Variants in DLG2 observed in about 807,000 individuals in gnomAD.
DLG2 encodes the protein discs large MAGUK scaffold protein 2.
Under a neutral mutation model 132.5 loss-of-function variants are expected in DLG2, and 45 were observed. That is an observed-to-expected ratio of 0.34 (90% CI 0.27 to 0.44). DLG2 has a LOEUF of 0.44. Among genes scored for constraint, DLG2 ranks in the 20% least tolerant of loss-of-function variants. DLG2 has a pLI of 1.00. For synonymous variants in DLG2, 424 were observed against 419.6 expected (o/e 1.01, Z -0.13); for missense variants, 1,045 against 1,196.9 (o/e 0.87, Z 1.87).
intron 21 of DLG2, among the ~76,000 whole-genome samples, chr11:83,496,346 C>T (rs1000682564): frequency 6.6e-6 from 1 of 151,948 alleles, no homozygotes; most frequent in Non-Finnish European, 1.5e-5. Context: ...GCCCTTGCAA[C>T]TCTCATTTAA....
At chr11:85,153,550 T>G (rs2077403034) in intron 5 of DLG2, among the ~76,000 whole-genome samples, 1 of 152,220 alleles carries the variant, frequency 6.6e-6, no homozygotes, top group African/African-American at 2.4e-5. Context: ...ATGCTTTGCA[T>G]ATTAGGTTTA....
chr11:84,240,932 G>A (rs766797995), intron 8 of DLG2, among the ~76,000 whole-genome samples: 7 of 152,206 alleles, frequency 4.6e-5, no homozygotes, highest in Non-Finnish European at 5.9e-5. Flanking sequence ...GTCCAAAGCC[G>A]ATACCAAGCA....
chr11:84,288,242 T>C lies in DLG2; in HGVS notation c.520-36951A>G, dbSNP rs554231781. Among the ~76,000 whole-genome samples the C allele has an allele frequency of 7.0e-4, 106 of 152,108 alleles. 1 individual carries two copies. The highest frequency in any genetic ancestry group is 1.3e-3 in the Non-Finnish European group (85 of 67,958). Reference sequence around the variant, plus strand: ...TAATAATATTAATCTCCTAGGATTATTGTCAGGATTAAATGAATACTTACA... The same window carrying C: ...TAATAATATTAATCTCCTAGGATTACTGTCAGGATTAAATGAATACTTACA... On this transcript the variant is annotated intron_variant, in intron 7 of 27. Coordinates refer to ENST00000376104, the MANE Select transcript of DLG2 (RefSeq NM_001142699.3).
In DLG2 at chr11:85,107,961, A is replaced by G. The variant is rs563089922; in HGVS notation, c.357+3700T>C. Among the ~76,000 whole-genome samples, 7 of 134,994 alleles carry G rather than the reference A, an allele frequency of 5.2e-5. No homozygotes were observed. The South Asian group carries it at 1.4e-3, about 27-fold the overall frequency. 88.6% of individuals were successfully genotyped at this position (134,994 alleles called of 152,430 possible). On this transcript the variant is annotated intron_variant, in intron 6 of 27. Transcript: ENST00000376104. The stretch of plus-strand genomic sequence containing the variant: ...AAAAAAAAAAAAAAAAAAGCCTCTC[A>G]GCCCCATTACTACATAGGTGCCGAG...
chr11:84,578,476 C>G (rs1004464258), intron 6 of DLG2, among the ~76,000 whole-genome samples: 1 of 152,184 alleles, frequency 6.6e-6, no homozygotes, highest in Non-Finnish European at 1.5e-5. Context: ...GATGTGAGAC[C>G]TGGAGTCAAA....
chr11:85,570,408 G>C (rs145407918), intron 3 of DLG2, among the ~76,000 whole-genome samples: 27 of 152,268 alleles, frequency 1.8e-4, no homozygotes, highest in African/African-American at 5.8e-4. Context: ...GGTCCACTTG[G>C]TTTACAGTGT....
At chr11:85,337,157 C>T (rs184377385) in intron 3 of DLG2, among the ~76,000 whole-genome samples, 7 of 152,242 alleles carry the variant, frequency 4.6e-5, no homozygotes, top group Admixed American at 2.0e-4. Flanking sequence ...ACTATTAATT[C>T]GCAGCATAAA....
At position 84,797,455 on chromosome 11, in the gene DLG2, C is replaced by A. The variant is rs916828364; in HGVS notation, c.358-262724G>T. On this transcript the variant is annotated intron_variant, in intron 6 of 27. Transcript: ENST00000376104. Reference sequence around the variant, plus strand: ...CCTCTGACTGTGAATTTTCAAATAGCCTGTCTTCAAGCTCACGATTTCTTT... The same window carrying A: ...CCTCTGACTGTGAATTTTCAAATAGACTGTCTTCAAGCTCACGATTTCTTT... Among the ~76,000 whole-genome samples the A allele has an allele frequency of 6.8e-4, 103 of 152,274 alleles. 1 individual carries two copies. The highest frequency in any genetic ancestry group is 2.4e-3 in the African/African-American group (101 of 41,558).
intron 3 of DLG2, among the ~76,000 whole-genome samples, chr11:85,514,127 A>T (rs1302009121): frequency 6.6e-6 from 1 of 151,968 alleles, no homozygotes; most frequent in Non-Finnish European, 1.5e-5. Context: ...TATAATCTAT[A>T]ATAATTATAG....
At chr11:85,139,079 A>G (rs1452474830) in intron 5 of DLG2, among the ~76,000 whole-genome samples, 4 of 151,916 alleles carry the variant, frequency 2.6e-5, no homozygotes, top group Non-Finnish European at 4.4e-5. Context: ...GACCTTCCCA[A>G]ACTGATTTCC....
intron 11 of DLG2, among the ~76,000 whole-genome samples, chr11:84,054,636 T>C (rs11233891): frequency 0.1 from 15,473 of 152,092 alleles, 1,065 homozygotes; most frequent in African/African-American, 0.19. Context: ...TGATTCTATC[T>C]GAGTGTTGGG....
At chr11:84,449,211 T>C (rs759499568) in intron 7 of DLG2, among the ~76,000 whole-genome samples, 2 of 151,938 alleles carry the variant, frequency 1.3e-5, no homozygotes, top group Admixed American at 6.6e-5. Flanking sequence ...TTTTGCAAAA[T>C]ACAATAAATA....
At chr11:84,187,323 G>C (rs745712477) in intron 8 of DLG2, among the ~76,000 whole-genome samples, 3 of 151,822 alleles carry the variant, frequency 2.0e-5, no homozygotes, top group Non-Finnish European at 2.9e-5. Flanking sequence ...AATAAAATGT[G>C]GTTTCTACTT....
intron 6 of DLG2, among the ~76,000 whole-genome samples, chr11:84,944,224 T>C (rs773738368): frequency 5.3e-5 from 8 of 152,202 alleles, no homozygotes; most frequent in Non-Finnish European, 1.5e-5. Context: ...TGAGTTAAAA[T>C]GGCTTGGTGT....
chr11:84,732,090 T>G (rs2063224964), intron 6 of DLG2, among the ~76,000 whole-genome samples: 1 of 152,092 alleles, frequency 6.6e-6, no homozygotes, highest in Non-Finnish European at 1.5e-5. Flanking sequence ...CTGAGGTTTA[T>G]CTAGATGGTT....
chr11:84,827,620 A>G (rs2078486084), intron 6 of DLG2, among the ~76,000 whole-genome samples: 1 of 140,942 alleles, frequency 7.1e-6, no homozygotes, highest in Non-Finnish European at 1.5e-5. Context: ...GGAACGGTGG[A>G]AGTTGATGGA....
At chr11:85,056,118 A>T (rs553164003) in intron 6 of DLG2, among the ~76,000 whole-genome samples, 6 of 152,066 alleles carry the variant, frequency 3.9e-5, no homozygotes, top group Admixed American at 3.9e-4. Flanking sequence ...ATAAAAGAAA[A>T]AACAGAACAG....
chr11:83,479,580 A>G (rs1383820471), intron 22 of DLG2, among the ~76,000 whole-genome samples: 2 of 152,128 alleles, frequency 1.3e-5, no homozygotes, highest in East Asian at 3.9e-4. Flanking sequence ...GTTAGTCACC[A>G]AAAACCAGTA....
intron 5 of DLG2, among the ~76,000 whole-genome samples, chr11:85,147,773 T>C (rs1293329733): frequency 6.6e-6 from 1 of 152,158 alleles, no homozygotes; most frequent in African/African-American, 2.4e-5. Context: ...TGTTCCAGGA[T>C]ACAGACGCAG....
Sources: allele counts gnomAD v4.1 joint callset (sites outside exome capture counted in the v4.1 genomes callset), GRCh38; gene constraint gnomAD v4.1.1; transcripts MANE v1.5; gene names NCBI Gene and HGNC (gene_info 2026-07-23, HGNC 2026-07-21).